EPHA6: variants seen among roughly 807,000 people sequenced by gnomAD.
The protein encoded by EPHA6 is EPH receptor A6, also known as ephrin type-A receptor 6.
In EPHA6, 50 loss-of-function variants were observed where a neutral mutation model predicts 112.0. That is an observed-to-expected ratio of 0.45 (90% CI 0.36 to 0.56). EPHA6 has a LOEUF of 0.56. Ranked by LOEUF, EPHA6 falls within the 20% of genes least tolerant of loss-of-function variation. The pLI, the probability that EPHA6 is intolerant of heterozygous loss-of-function variation, is 0.00. For missense variants in EPHA6, 1,280 were observed against 1,417.4 expected (o/e 0.90, Z 1.56); for synonymous variants, 529 against 490.7 (o/e 1.08, Z -1.03).
intron 4 of EPHA6, among the ~76,000 whole-genome samples, chr3:97,235,573 C>T (rs892541258): frequency 6.6e-6 from 1 of 152,136 alleles, no homozygotes; most frequent in African/African-American, 2.4e-5. Context: ...CTCCTAGCAA[C>T]TCTCCTTCCT....
intron 5 of EPHA6, among the ~76,000 whole-genome samples, chr3:97,317,004 G>A (rs1207586270): frequency 6.6e-6 from 1 of 151,740 alleles, no homozygotes; most frequent in African/African-American, 2.4e-5. Flanking sequence ...ATTTACCTAT[G>A]TACTAACTCT....
intron 3 of EPHA6, among the ~76,000 whole-genome samples, chr3:97,029,777 T>C (rs1018073067): frequency 6.6e-6 from 1 of 152,126 alleles, no homozygotes; most frequent in African/African-American, 2.4e-5. Flanking sequence ...TTCACTTCTT[T>C]AGTTTTGAAG....
chr3:96,830,990 C>T (rs1005194458), intron 1 of EPHA6, among the ~76,000 whole-genome samples: 1 of 152,032 alleles, frequency 6.6e-6, no homozygotes, highest in Admixed American at 6.6e-5. Flanking sequence ...TATATACACA[C>T]ACACACATAT....
At chr3:97,406,362 T>C (rs9813149) in intron 6 of EPHA6, among the ~76,000 whole-genome samples, 18,306 of 152,116 alleles carry the variant, frequency 0.12, 3,524 homozygotes, top group African/African-American at 0.4. Context: ...ATTGATCTCA[T>C]TGTGGGAGGG....
At chr3:97,076,303 T>A (rs2046523534) in intron 3 of EPHA6, among the ~76,000 whole-genome samples, 1 of 152,136 alleles carries the variant, frequency 6.6e-6, no homozygotes, top group Non-Finnish European at 1.5e-5. Flanking sequence ...ACAGCCTTAT[T>A]GCCAATATGG....
intron 5 of EPHA6, among the ~76,000 whole-genome samples, chr3:97,313,631 A>G (rs558814065): frequency 6.6e-5 from 10 of 151,742 alleles, no homozygotes; most frequent in Middle Eastern, 3.4e-3. Context: ...TAATTTGGCA[A>G]TTAGAGGTTT....
chr3:97,290,579 A>G (rs2080643387), intron 5 of EPHA6, among the ~76,000 whole-genome samples: 1 of 152,110 alleles, frequency 6.6e-6, no homozygotes, highest in Admixed American at 6.6e-5. Context: ...CTCTCTGTTT[A>G]GATTTTCTAT....
intron 5 of EPHA6, among the ~76,000 whole-genome samples, chr3:97,396,282 C>G (rs973606027): frequency 6.7e-6 from 1 of 149,190 alleles, no homozygotes; most frequent in South Asian, 2.1e-4. Flanking sequence ...ACAATGAGCA[C>G]GTGCACACGC....
intron 3 of EPHA6, among the ~76,000 whole-genome samples, chr3:97,188,080 TA>T (rs1266668733): frequency 2.0e-5 from 3 of 152,144 alleles, no homozygotes; most frequent in Non-Finnish European, 4.4e-5. Context: ...TAATGTTTAG[TA>T]AAGCTGTGGA....
At chr3:97,679,312 C>A (rs2031667017) in intron 14 of EPHA6, among the ~76,000 whole-genome samples, 2 of 152,088 alleles carry the variant, frequency 1.3e-5, no homozygotes, top group African/African-American at 2.4e-5. Flanking sequence ...GAGGGCGTCC[C>A]CACACACAGT....
intron 16 of EPHA6, among the ~76,000 whole-genome samples, chr3:97,742,614 T>C (rs35657806): frequency 0.082 from 12,553 of 152,206 alleles, 629 homozygotes; most frequent in East Asian, 0.2. Context: ...TCCTTAACAC[T>C]GTGGAGTTAG....
chr3:97,564,480 C>G (rs2093234913), intron 11 of EPHA6, among the ~76,000 whole-genome samples: 1 of 152,106 alleles, frequency 6.6e-6, no homozygotes, highest in Non-Finnish European at 1.5e-5. Flanking sequence ...TTCTCACAAT[C>G]AAATTTAAAT....
chr3:96,997,529 C>T (rs1235739362), intron 3 of EPHA6, among the ~76,000 whole-genome samples: 3 of 151,750 alleles, frequency 2.0e-5, no homozygotes, highest in Non-Finnish European at 2.9e-5. Context: ...CCCAAGGAGA[C>T]AGAGAGAGAA....
In EPHA6 at chr3:96,978,693, C is replaced by A. The variant is rs141326153; in HGVS notation, c.451-8637C>A. ...TATTTTTCATCAAACATCACAAACT[C>A]AGTGTAAAAAAAAATGCATCATTTT... On this transcript the variant is annotated intron_variant, in intron 2 of 17. Transcript: ENST00000389672. Among the ~76,000 whole-genome samples, 682 of 151,900 alleles carry A rather than the reference C, an allele frequency of 4.5e-3. 8 individuals carry two copies. Among genetic ancestry groups the A allele is most frequent in the African/African-American group, 0.015 (626 of 41,416 alleles).
intron 3 of EPHA6, among the ~76,000 whole-genome samples, chr3:97,032,412 A>G (rs1450228560): frequency 1.3e-5 from 2 of 152,124 alleles, no homozygotes; most frequent in Non-Finnish European, 2.9e-5. Context: ...ACAAACCTGC[A>G]CGTTGTGCAC....
chr3:96,864,489 A>G (rs1328913022), intron 1 of EPHA6, among the ~76,000 whole-genome samples: 2 of 152,106 alleles, frequency 1.3e-5, no homozygotes, highest in African/African-American at 2.4e-5. Flanking sequence ...CACTCTGGAA[A>G]AGACAAAGCT....
chr3:96,939,299 A>G (rs924583399), intron 2 of EPHA6, among the ~76,000 whole-genome samples: 12 of 152,186 alleles, frequency 7.9e-5, no homozygotes, highest in Admixed American at 3.3e-4. Context: ...TTATTGGTCT[A>G]TTCAGACATT....
rs540573366 is a variant in EPHA6, at chr3:97,119,058, T to C, written c.1115-107206T>C. Among the ~76,000 whole-genome samples, 3 of 152,084 alleles carry C rather than the reference T, an allele frequency of 2.0e-5. No homozygotes were observed. The South Asian group carries it at 6.2e-4, about 32-fold the overall frequency. On this transcript the variant is annotated intron_variant, in intron 3 of 17. Coordinates refer to ENST00000389672, the MANE Select transcript of EPHA6 (RefSeq NM_001080448.3). ...CTTCATATCAATACCATATATATCT[T>C]TGGGCCCAGCTGGTTAAGCCATGTC...
chr3:97,131,065 C>G (rs1410665535), intron 3 of EPHA6, among the ~76,000 whole-genome samples: 1 of 151,986 alleles, frequency 6.6e-6, no homozygotes, highest in African/African-American at 2.4e-5. Context: ...AACTCTGATA[C>G]TACAGTGGCA....
Sources: allele counts gnomAD v4.1 joint callset (sites outside exome capture counted in the v4.1 genomes callset), GRCh38; gene constraint gnomAD v4.1.1; transcripts MANE v1.5; gene names NCBI Gene and HGNC (gene_info 2026-07-23, HGNC 2026-07-21).